KANK2: variants seen among roughly 807,000 people sequenced by gnomAD.
The protein encoded by KANK2 is KN motif and ankyrin repeat domains 2.
In KANK2, 41 loss-of-function variants were observed where a neutral mutation model predicts 74.6. That is an observed-to-expected ratio of 0.55 (90% confidence interval 0.43 to 0.71). The LOEUF (loss-of-function observed/expected upper bound fraction) is 0.71. Ranked by LOEUF, KANK2 falls within the 30% of genes least tolerant of loss-of-function variation. The probability of loss-of-function intolerance (pLI) is 0.00; values close to 1 mark genes in which losing one functional copy is unlikely to be tolerated. For missense variants in KANK2, 1,148 were observed against 1,196.4 expected (o/e 0.96, Z 0.60); for synonymous variants, 537 against 519.0 (o/e 1.03, Z -0.47).
At chr19:11,167,228 G>A (rs537232700) in intron 12 of KANK2, among the ~76,000 whole-genome samples, 451 of 152,174 alleles carry the variant, frequency 3.0e-3, no homozygotes, top group Middle Eastern at 6.8e-3. Flanking sequence ...ACCACGCCCG[G>A]CTAATTTTGC....
intron 1 of KANK2, chr19:11,196,489 G>C (rs960213580): frequency 1.3e-5 from 2 of 152,598 alleles, no homozygotes; most frequent in African/African-American, 4.8e-5. Flanking sequence ...CCATGGGGAA[G>C]TGGCTGGGCC....
intron 4 of KANK2, among the ~76,000 whole-genome samples, chr19:11,191,232 G>A (rs908730632): frequency 3.3e-5 from 5 of 151,702 alleles, no homozygotes; most frequent in Middle Eastern, 3.2e-3. Context: ...ATAGAGATGG[G>A]GTTTCACTGT....
At chr19:11,175,427 CAAAAAAA>C (rs753933217) in intron 8 of KANK2, among the ~76,000 whole-genome samples, 209 of 14,950 alleles carry the variant, frequency 0.014, 2 homozygotes, top group African/African-American at 0.031. Context: ...GACTCCCTCT[CAAAAAAA>C]AAAAAAAAAA....
chr19:11,176,000 C>A lies in KANK2; in HGVS notation c.1761-11G>T. On this transcript the variant is annotated splice_polypyrimidine_tract_variant and intron_variant, in intron 7 of 12. Coordinates refer to ENST00000586659, the MANE Select transcript of KANK2 (RefSeq NM_001136191.3). ...GGGCTTAGCTCCATCCTGCCAGGAA[C>A]AGACAAAGCGGGGAACTAAGTAAGC... The A allele has an allele frequency of 2.5e-6, 4 of 1,610,864 alleles. No individual in the cohort carries two copies. Among genetic ancestry groups the A allele is most frequent in the Non-Finnish European group, 3.4e-6 (4 of 1,177,870 alleles).
intron 4 of KANK2, among the ~76,000 whole-genome samples, chr19:11,185,923 C>G (rs2078661575): frequency 6.6e-6 from 1 of 152,108 alleles, no homozygotes; most frequent in African/African-American, 2.4e-5. Context: ...CCTAGCTACT[C>G]AGGAGGCTGA....
Position 11,174,699 on chromosome 19 carries a change from G to T in KANK2, c.1849-7C>A. ...CTGTGGTGTAGGCCACTTTCTGCATGCGAGTCAGGTGGGAGAGGATGTGAG... is the reference window on the plus strand; with the variant it reads ...CTGTGGTGTAGGCCACTTTCTGCATTCGAGTCAGGTGGGAGAGGATGTGAG... On this transcript the variant is annotated splice_region_variant and splice_polypyrimidine_tract_variant and intron_variant, in intron 8 of 12. Coordinates refer to ENST00000586659, the MANE Select transcript of KANK2 (RefSeq NM_001136191.3). The T allele has an allele frequency of 6.3e-7, 1 of 1,590,870 alleles. No homozygotes were observed. Among genetic ancestry groups the T allele is most frequent in the Non-Finnish European group, 8.6e-7 (1 of 1,168,404 alleles).
chr19:11,188,852 T>A (rs1323942492), intron 4 of KANK2, among the ~76,000 whole-genome samples: 1 of 151,570 alleles, frequency 6.6e-6, no homozygotes, highest in Non-Finnish European at 1.5e-5. Context: ...GGTGTGGTGG[T>A]GGGTGCCTGT....
chr19:11,170,047 C>A lies in KANK2; in HGVS notation c.2412+1G>T. Reference sequence around the variant, plus strand: ...CGGGGTGCACCTGGTTGGAGACTCACGCGATCTGTGAGTGAGATGTCACAG... The same window carrying A: ...CGGGGTGCACCTGGTTGGAGACTCAAGCGATCTGTGAGTGAGATGTCACAG... On this transcript the variant is annotated splice_donor_variant, in intron 11 of 12. Transcript: ENST00000586659. LOFTEE classifies it high-confidence loss of function. This position sits in a 1 kb window ranked among gnomAD's most constrained non-coding sequence, Gnocchi z 5.2. 1 of 1,613,266 alleles carries A rather than the reference C, an allele frequency of 6.2e-7. No homozygotes were observed. The highest frequency in any genetic ancestry group is 8.5e-7 in the Non-Finnish European group (1 of 1,179,288).
At chr19:11,180,539 G>C (rs1165151433) in intron 4 of KANK2, among the ~76,000 whole-genome samples, 1 of 152,152 alleles carries the variant, frequency 6.6e-6, no homozygotes, top group Non-Finnish European at 1.5e-5. Context: ...TCGGTCATCG[G>C]CATGGCCAAC....
intron 10 of KANK2, 126 bp downstream of exon 10, chr19:11,172,853 CAG>C: frequency 1.0e-6 from 1 of 983,642 alleles, no homozygotes; most frequent in Non-Finnish European, 1.5e-6. Context: ...GGTCCTGTGT[CAG>C]AGACAGCCTG....
intron 4 of KANK2, among the ~76,000 whole-genome samples, chr19:11,191,346 C>T (rs938433371): frequency 2.6e-5 from 4 of 152,140 alleles, no homozygotes; most frequent in African/African-American, 9.6e-5. Context: ...GCCCAGCTGT[C>T]ATTATTATGA....
chr19:11,194,553 T>A lies in KANK2; in HGVS notation c.-42A>T. ...GCTCCTTGGAAGTCACTTGAGGGAC[T>A]GCGAGTCAGACTGCCTGCAGCACCG... On this transcript the variant is annotated 5_prime_UTR_variant, in exon 3 of 13. Transcript: ENST00000586659. 1 of 1,561,738 alleles carries A rather than the reference T, an allele frequency of 6.4e-7. No individual in the cohort carries two copies. Among genetic ancestry groups the A allele is most frequent in the Non-Finnish European group, 8.8e-7 (1 of 1,133,666 alleles).
chr19:11,189,280 A>G (rs67431680), intron 4 of KANK2, among the ~76,000 whole-genome samples: 47,646 of 151,644 alleles, frequency 0.31, 7,990 homozygotes, highest in South Asian at 0.54. Flanking sequence ...AAAGCCTCAC[A>G]TTATTCCAGT....
chr19:11,177,363 A>AT (rs1042039950), intron 6 of KANK2, among the ~76,000 whole-genome samples: 19 of 144,144 alleles, frequency 1.3e-4, no homozygotes, highest in Non-Finnish European at 1.7e-4. Context: ...ACCTCTAGCC[A>AT]TTTTTTTTTG....
chr19:11,182,957 C>T (rs373332377), intron 4 of KANK2, among the ~76,000 whole-genome samples: 33 of 152,172 alleles, frequency 2.2e-4, no homozygotes, highest in African/African-American at 7.2e-4. Context: ...TGGCTCCTTC[C>T]AGTCTAAGGA....
chr19:11,166,518 G>A lies in KANK2; in HGVS notation c.*40C>T, dbSNP rs527527895. 3.5e-5 allele frequency: 56 copies of A among 1,583,758 alleles called. No homozygotes were observed. The highest frequency in any genetic ancestry group is 2.3e-4 in the South Asian group (21 of 90,534). Reference sequence around the variant, plus strand: ...CAGGGAGGAGACGGGGACAAGGGACGGTTTGCTCCCGGTCTGGCTGGTCCC... The same window carrying A: ...CAGGGAGGAGACGGGGACAAGGGACAGTTTGCTCCCGGTCTGGCTGGTCCC... On this transcript the variant is annotated 3_prime_UTR_variant, in exon 13 of 13. Coordinates refer to ENST00000586659, the MANE Select transcript of KANK2 (RefSeq NM_001136191.3).
chr19:11,180,522 G>A (rs1248642435), intron 4 of KANK2, among the ~76,000 whole-genome samples: 1 of 152,128 alleles, frequency 6.6e-6, no homozygotes, highest in Non-Finnish European at 1.5e-5. Context: ...CCGGCTGCAT[G>A]AGACACTCGG....
At chr19:11,171,845 A>T (rs1415392860) in intron 10 of KANK2, among the ~76,000 whole-genome samples, 1 of 146,156 alleles carries the variant, frequency 6.8e-6, no homozygotes, top group African/African-American at 2.5e-5. Context: ...TAATTTTTAT[A>T]TATTTTTTTT....
intron 4 of KANK2, among the ~76,000 whole-genome samples, chr19:11,180,648 A>G (rs907727481): frequency 1.3e-5 from 2 of 152,168 alleles, no homozygotes; most frequent in East Asian, 1.9e-4. Flanking sequence ...ACTGAGCGAG[A>G]GCAAACGCCA....
Sources: allele counts gnomAD v4.1 joint callset (sites outside exome capture counted in the v4.1 genomes callset), GRCh38; gene constraint gnomAD v4.1.1; non-coding constraint Gnocchi (gnomAD v3.1); transcripts MANE v1.5; gene names NCBI Gene and HGNC (gene_info 2026-07-23, HGNC 2026-07-21).